SAMD4B: variants seen among roughly 807,000 people sequenced by gnomAD.
SAMD4B encodes the protein sterile alpha motif domain containing 4B, also known as protein Smaug homolog 2.
In SAMD4B, 5 loss-of-function variants were observed where a neutral mutation model predicts 74.5. The observed-to-expected ratio is 0.07, with a 90% CI of 0.04 to 0.14. The LOEUF (loss-of-function observed/expected upper bound fraction) is 0.14. Among genes scored for constraint, SAMD4B ranks in the 10% least tolerant of loss-of-function variants. The pLI is 1.00. For synonymous variants in SAMD4B, 373 were observed against 374.9 expected, an observed-to-expected ratio of 1.00 and a Z score of 0.06; for missense variants, 608 against 921.8, an observed-to-expected ratio of 0.66 and a Z score of 4.41.
rs1205747604 is a variant in SAMD4B, at chr19:39,385,147, C to G, written c.*1620C>G. 6.1e-6 allele frequency: 1 copy of G among 162,908 alleles called. No homozygotes were observed. The highest frequency in any genetic ancestry group is 1.3e-5 in the Non-Finnish European group (1 of 75,382). 10.1% of individuals were successfully genotyped at this position (162,908 alleles called of 1,614,324 possible). On this transcript the variant is annotated 3_prime_UTR_variant, in exon 14 of 14. Transcript: ENST00000610417. ...ATTTATGTACCTCTTGCACACTCATCAACCTATGCAAGTCCCCCACCCCGG... is the reference window on the plus strand; with the variant it reads ...ATTTATGTACCTCTTGCACACTCATGAACCTATGCAAGTCCCCCACCCCGG...
At position 39,375,540 on chromosome 19, in the gene SAMD4B, C is replaced by G; in HGVS notation, c.668-110C>G. ...ACCCTTGGACCCCAGGTCCCTTCCTCTTGGCAGGTTATGGGGCCAAACTGC... is the reference window on the plus strand; with the variant it reads ...ACCCTTGGACCCCAGGTCCCTTCCTGTTGGCAGGTTATGGGGCCAAACTGC... On this transcript the variant is annotated intron_variant, in intron 4 of 13. Transcript: ENST00000610417. This position sits in a 1 kb window ranked among gnomAD's most constrained non-coding sequence, Gnocchi z 4.1. 7.1e-7 allele frequency: 1 copy of G among 1,415,020 alleles called. No individual in the cohort carries two copies. The highest frequency in any genetic ancestry group is 2.1e-5 in the Admixed American group (1 of 47,864). The allele number at this position is 1,415,020 out of a possible 1,614,324, so 87.7% of individuals were successfully genotyped here.
In SAMD4B at chr19:39,378,628, G is replaced by A; in HGVS notation, c.1530+39G>A. 2 of 1,585,570 alleles carry A rather than the reference G, an allele frequency of 1.3e-6. No homozygotes were observed. Among genetic ancestry groups the A allele is most frequent in the South Asian group, 1.1e-5 (1 of 90,358 alleles). ...TAGCATACTCAAAAAGGGAAAGGCG[G>A]CCAGGCGTGGTGGTTCACGCCTGTA... On this transcript the variant is annotated intron_variant, in intron 9 of 13. Transcript: ENST00000610417. This position sits in a 1 kb window ranked among gnomAD's most constrained non-coding sequence, Gnocchi z 4.4.
rs2077686070 is a variant in SAMD4B at position 39,377,663 on chromosome 19, C to T, written c.1283C>T (p.Ala428Val). The T allele has an allele frequency of 6.2e-7, 1 of 1,613,996 alleles. No individual in the cohort carries two copies. Among genetic ancestry groups the T allele is most frequent in the Non-Finnish European group, 8.5e-7 (1 of 1,179,986 alleles). ...PPLPGAEPPL[A>V]HPGTDKGTEA... ...CTGCCAGGTGCTGAGCCTCCCCTAG[C>T]CCACCCCGGCACAGACAAAGGCACC... Residue 428 changes from alanine (A) to valine (V), a missense_variant, in exon 8 of 14, where the codon GCC becomes GTC. Physicochemically the swap from Ala to Val is moderately conservative, Grantham distance 64. This residue lies in a region of SAMD4B where 99 missense variants were observed against 112.1 expected (regional missense o/e 0.88). Transcript: ENST00000610417.
At chr19:39,379,916 C>T in intron 9 of SAMD4B, 50 bp from the exon 10 acceptor site, 2 of 1,452,920 alleles carry the variant, frequency 1.4e-6, no homozygotes, top group Non-Finnish European at 1.9e-6. Flanking sequence ...GAAGGGAGGT[C>T]TGAAGGAAGC....
At chr19:39,372,534 G>A (rs1381899866) in intron 4 of SAMD4B, among the ~76,000 whole-genome samples, 2 of 152,178 alleles carry the variant, frequency 1.3e-5, no homozygotes, top group Non-Finnish European at 2.9e-5. Flanking sequence ...GCAAGGATTG[G>A]CCTTTGAGGG....
intron 3 of SAMD4B, among the ~76,000 whole-genome samples, chr19:39,368,536 A>G (rs537281376): frequency 6.6e-6 from 1 of 152,112 alleles, no homozygotes; most frequent in South Asian, 2.1e-4. Flanking sequence ...TGCCCTGGAA[A>G]TGAAGGTGAT....
chr19:39,389,881 G>T, downstream of SAMD4B: 1 of 1,401,750 alleles, frequency 7.1e-7, no homozygotes, highest in Non-Finnish European at 1.0e-6. This position sits in a 1 kb window ranked among gnomAD's most constrained non-coding sequence, Gnocchi z 5.3. Flanking sequence ...CCATGGCAGA[G>T]TCTGAAAGCT....
intron 10 of SAMD4B, 126 bp downstream of exon 10, chr19:39,380,210 T>C (rs1029435850): frequency 2.8e-6 from 2 of 722,516 alleles, no homozygotes; most frequent in African/African-American, 3.6e-5. Flanking sequence ...TGGGCGACTT[T>C]CCCAGAAGAA....
intron 1 of SAMD4B, among the ~76,000 whole-genome samples, chr19:39,347,488 G>A (rs774006401): frequency 7.9e-5 from 12 of 152,142 alleles, no homozygotes; most frequent in South Asian, 6.2e-4. Flanking sequence ...TCCCCCAGCC[G>A]CAGTCATTCT....
At chr19:39,390,062 G>T (rs757039398), downstream of SAMD4B, 3 of 1,607,366 alleles carry the variant, frequency 1.9e-6, no homozygotes, top group Non-Finnish European at 2.6e-6. Flanking sequence ...CCATTCCTTA[G>T]TCTCACCTGT....
At position 39,383,569 on chromosome 19, in the gene SAMD4B, C is replaced by T. The variant is rs370612551; in HGVS notation, c.*42C>T. The T allele has an allele frequency of 6.4e-5, 104 of 1,614,186 alleles. No individual in the cohort carries two copies. The highest frequency in any genetic ancestry group is 2.6e-4 in the South Asian group (24 of 91,080). On this transcript the variant is annotated 3_prime_UTR_variant, in exon 14 of 14. Transcript: ENST00000610417. This position sits in a 1 kb window ranked among gnomAD's most constrained non-coding sequence, Gnocchi z 4.1. ...GCGCACCCATAGGCTCCCTGGGCGG[C>T]GGGCGGGGGCCAACCCCCAACGGGC...
At position 39,383,457 on chromosome 19, in the gene SAMD4B, C is replaced by G. The variant is rs1275573051; in HGVS notation, c.2057-42C>G. Reference sequence around the variant, plus strand: ...TGAGTGCCTTTTCTTGGGCCTCCCTCCAGCTCCTGATCTTCCTCCCTTCCT... The same window carrying G: ...TGAGTGCCTTTTCTTGGGCCTCCCTGCAGCTCCTGATCTTCCTCCCTTCCT... On this transcript the variant is annotated intron_variant, in intron 13 of 13. Transcript: ENST00000610417. This position sits in a 1 kb window ranked among gnomAD's most constrained non-coding sequence, Gnocchi z 4.1. 3 of 1,609,412 alleles carry G rather than the reference C, an allele frequency of 1.9e-6. No homozygotes were observed. The East Asian group carries it at 6.7e-5, about 36-fold the overall frequency.
chr19:39,381,647 A>G (rs1200261087), intron 12 of SAMD4B, among the ~76,000 whole-genome samples: 28 of 152,216 alleles, frequency 1.8e-4, no homozygotes, highest in Admixed American at 1.8e-3. Context: ...ATGGGAGAGC[A>G]GAAGTTGGGC....
In SAMD4B at chr19:39,382,770, G is replaced by A. The variant is rs2078076235; in HGVS notation, c.1973-438G>A. On this transcript the variant is annotated intron_variant, in intron 12 of 13. Transcript: ENST00000610417. ...GCCTGCCTGGATTGAATCCTGCCCA[G>A]AGGAGCAGGTCCAAGTGGGGACAGG... Among the ~76,000 whole-genome samples, 3 of 152,210 alleles carry A rather than the reference G, an allele frequency of 2.0e-5. No homozygotes were observed. In the South Asian group the frequency reaches 6.2e-4, roughly 32 times the overall value.
At chr19:39,355,383 T>A (rs1200882843) in intron 2 of SAMD4B, among the ~76,000 whole-genome samples, 4 of 152,216 alleles carry the variant, frequency 2.6e-5, no homozygotes, top group Non-Finnish European at 5.9e-5. Flanking sequence ...ACAGGGGATC[T>A]GTGAGGCAAG....
At chr19:39,368,626 T>C (rs767690313) in intron 3 of SAMD4B, among the ~76,000 whole-genome samples, 19 of 152,168 alleles carry the variant, frequency 1.2e-4, no homozygotes, top group Non-Finnish European at 1.8e-4. Context: ...GAACATGACA[T>C]CCTGTTGTGA....
chr19:39,380,791 C>G lies in SAMD4B; in HGVS notation c.1848+6C>G, dbSNP rs780581147. The G allele has an allele frequency of 6.5e-7, 1 of 1,532,934 alleles. No individual in the cohort carries two copies. Among genetic ancestry groups the G allele is most frequent in the South Asian group, 1.3e-5 (1 of 78,744 alleles). 95.0% of individuals were successfully genotyped at this position (1,532,934 alleles called of 1,614,324 possible). ...TTGGAGGCCAGGGCCGACAGGTAAG[C>G]TGGCTGGAAGCAGGGGCCTGGCCTC... On this transcript the variant is annotated splice_donor_region_variant and intron_variant, in intron 11 of 13. Coordinates refer to ENST00000610417, the MANE Select transcript of SAMD4B (RefSeq NM_001384574.2).
chr19:39,344,723 C>G (rs563705254), intron 1 of SAMD4B, among the ~76,000 whole-genome samples: 77 of 152,272 alleles, frequency 5.1e-4, no homozygotes, highest in African/African-American at 1.8e-3. Context: ...GACTCGTTGC[C>G]CAAGAGCCTC....
At chr19:39,387,297 G>A (rs1212730472), downstream of SAMD4B, 3 of 307,374 alleles carry the variant, frequency 9.8e-6, no homozygotes, top group East Asian at 8.4e-5. Context: ...GTAAAGATAC[G>A]GTATTCTATC....
Sources: allele counts gnomAD v4.1 joint callset (sites outside exome capture counted in the v4.1 genomes callset), GRCh38; gene constraint gnomAD v4.1.1; regional missense constraint gnomAD v4.1.1; non-coding constraint Gnocchi (gnomAD v3.1); transcripts MANE v1.5; gene names NCBI Gene and HGNC (gene_info 2026-07-23, HGNC 2026-07-21).